The following DENND5B variants were observed in gnomAD, a reference collection of about 807,000 sequenced individuals.
DENND5B encodes DENN domain containing 5B, also known as DENN domain-containing protein 5B.
In DENND5B, 34 loss-of-function variants were observed where a neutral mutation model predicts 140.6. The ratio of observed to expected loss-of-function variants is 0.24; its 90% CI spans 0.18 to 0.32. DENND5B has a LOEUF of 0.32. Ranked by LOEUF, DENND5B falls within the 10% of genes least tolerant of loss-of-function variation. DENND5B has a pLI of 1.00. For missense variants in DENND5B, 1,142 were observed against 1,560.2 expected, an observed-to-expected ratio of 0.73 and a Z score of 4.52; for synonymous variants, 551 against 562.1, an observed-to-expected ratio of 0.98 and a Z score of 0.28.
At chr12:31,470,123 T>C (rs370276774) in intron 3 of DENND5B, among the ~76,000 whole-genome samples, 1 of 144,588 alleles carries the variant, frequency 6.9e-6, no homozygotes, top group African/African-American at 2.7e-5. Flanking sequence ...TTTTTTTTTT[T>C]TTTTTCTTTG....
intron 1 of DENND5B, among the ~76,000 whole-genome samples, chr12:31,551,146 G>A (rs953976124): frequency 6.6e-6 from 1 of 152,062 alleles, no homozygotes; most frequent in Admixed American, 6.6e-5. Flanking sequence ...CCATGCCTAT[G>A]TCCTGAATGG....
At chr12:31,501,133 T>C (rs1946986127) in intron 1 of DENND5B, among the ~76,000 whole-genome samples, 1 of 152,172 alleles carries the variant, frequency 6.6e-6, no homozygotes, top group Non-Finnish European at 1.5e-5. Context: ...GAATTGTAGT[T>C]CCCATAATCC....
chr12:31,430,183 C>T (rs140474049), intron 8 of DENND5B, among the ~76,000 whole-genome samples: 2 of 143,124 alleles, frequency 1.4e-5, no homozygotes, highest in African/African-American at 5.2e-5. Flanking sequence ...CCACCACACC[C>T]GGCTAGTTTT....
intron 1 of DENND5B, among the ~76,000 whole-genome samples, chr12:31,501,430 T>G (rs1946996218): frequency 6.6e-6 from 1 of 152,206 alleles, no homozygotes. Flanking sequence ...CTATCTTTAT[T>G]AGCAGCATGA....
At chr12:31,584,279 C>G (rs1193234320) in intron 1 of DENND5B, among the ~76,000 whole-genome samples, 1 of 152,216 alleles carries the variant, frequency 6.6e-6, no homozygotes. Context: ...GTCTCACCCT[C>G]TTCCCCTCCC....
chr12:31,402,764 T>A, intron 14 of DENND5B, 121 bp from the exon 15 acceptor site: 1 of 1,198,494 alleles, frequency 8.3e-7, no homozygotes. Context: ...GCTATCAAGA[T>A]GTACTTATAC....
intron 5 of DENND5B, among the ~76,000 whole-genome samples, chr12:31,448,377 C>T (rs1429089503): frequency 2.0e-5 from 3 of 152,036 alleles, no homozygotes; most frequent in Non-Finnish European, 2.9e-5. Context: ...CCTCATGCTC[C>T]GCCCGCCTCG....
intron 1 of DENND5B, among the ~76,000 whole-genome samples, chr12:31,584,580 A>G (rs1461474728): frequency 6.6e-6 from 1 of 152,168 alleles, no homozygotes; most frequent in African/African-American, 2.4e-5. Flanking sequence ...TTGGGAGGCC[A>G]AGGATGGGTG....
At chr12:31,574,727 A>G (rs1949953984) in intron 1 of DENND5B, among the ~76,000 whole-genome samples, 1 of 152,200 alleles carries the variant, frequency 6.6e-6, no homozygotes, top group East Asian at 1.9e-4. Context: ...CATTGGCCCC[A>G]TCCACCAGAA....
chr12:31,546,661 G>T (rs1416351941), intron 1 of DENND5B, among the ~76,000 whole-genome samples: 3 of 152,130 alleles, frequency 2.0e-5, no homozygotes, highest in African/African-American at 7.2e-5. Context: ...ACTCCAGCCT[G>T]GGAGACAGAG....
intron 1 of DENND5B, among the ~76,000 whole-genome samples, chr12:31,510,341 A>G (rs921192673): frequency 1.3e-5 from 2 of 152,064 alleles, no homozygotes; most frequent in Non-Finnish European, 2.9e-5. Flanking sequence ...TTTGAGATGG[A>G]GTCTCCCTCT....
rs1366102231 is a variant in DENND5B at position 31,418,350 on chromosome 12, C to T, written c.2471-2902G>A. On this transcript the variant is annotated intron_variant, in intron 11 of 20. Transcript: ENST00000389082. The stretch of plus-strand genomic sequence containing the variant: ...AGGCTGGAGTGCAGTGGCATGATCT[C>T]GGCTCACTGCAGCCTCCACCTCCGG... Among the ~76,000 whole-genome samples, 7 of 144,176 alleles carry T rather than the reference C, an allele frequency of 4.9e-5. No individual in the cohort carries two copies. In the East Asian group the frequency reaches 1.2e-3, roughly 25 times the overall value. 94.6% of individuals were successfully genotyped at this position (144,176 alleles called of 152,430 possible).
intron 7 of DENND5B, among the ~76,000 whole-genome samples, chr12:31,433,535 CATAACA>C (rs145417471): frequency 2.9e-3 from 438 of 152,248 alleles, no homozygotes; most frequent in South Asian, 7.5e-3. Flanking sequence ...TACTTACATA[CATAACA>C]ATAAGTCAAA....
chr12:31,471,050 G>C (rs1016349322), intron 3 of DENND5B, among the ~76,000 whole-genome samples: 5 of 152,174 alleles, frequency 3.3e-5, no homozygotes, highest in Non-Finnish European at 7.3e-5. Flanking sequence ...AAAATCCCTT[G>C]GTTATTGTTC....
chr12:31,551,004 T>C (rs1003512834), intron 1 of DENND5B, among the ~76,000 whole-genome samples: 3 of 152,122 alleles, frequency 2.0e-5, no homozygotes, highest in African/African-American at 7.2e-5. Flanking sequence ...TTCTCCCATT[T>C]TGTAGGTTGC....
chr12:31,576,052 G>A (rs1401261448), intron 1 of DENND5B, among the ~76,000 whole-genome samples: 1 of 150,796 alleles, frequency 6.6e-6, no homozygotes, highest in East Asian at 1.9e-4. Flanking sequence ...GAAGTGGAAG[G>A]ACTGCTTGAG....
chr12:31,571,026 C>T (rs1949804984), intron 1 of DENND5B, among the ~76,000 whole-genome samples: 2 of 152,216 alleles, frequency 1.3e-5, no homozygotes, highest in South Asian at 4.1e-4. Flanking sequence ...CAAGCATTCT[C>T]CGCATTCTCG....
At chr12:31,530,460 C>T (rs1228496896) in intron 1 of DENND5B, among the ~76,000 whole-genome samples, 1 of 152,084 alleles carries the variant, frequency 6.6e-6, no homozygotes, top group East Asian at 1.9e-4. Flanking sequence ...TTTGAATATG[C>T]AAACATTTTT....
At chr12:31,505,204 C>T (rs573935140) in intron 1 of DENND5B, among the ~76,000 whole-genome samples, 3 of 150,096 alleles carry the variant, frequency 2.0e-5, no homozygotes, top group South Asian at 2.1e-4. Context: ...TTTAAATACA[C>T]GAGTACAGTT....
Sources: gnomAD v4.1 joint callset for allele counts (sites outside exome capture counted in the v4.1 genomes callset) on GRCh38, gnomAD v4.1.1 for gene constraint, MANE v1.5 for transcripts, NCBI Gene and HGNC (gene_info 2026-07-23, HGNC 2026-07-21) for gene names.